Variants in WNT7A observed in about 807,000 individuals in gnomAD.
The protein encoded by WNT7A is Wnt family member 7A.
A neutral mutation model predicts 28.2 loss-of-function variants in WNT7A; 16 were observed. The observed-to-expected ratio is 0.57, with a 90% CI of 0.38 to 0.86. The LOEUF (loss-of-function observed/expected upper bound fraction) is 0.86, where lower values mean the gene tolerates loss of function less well. Among genes scored for constraint, WNT7A ranks in the 40% least tolerant of loss-of-function variants. WNT7A has a pLI of 0.00. For synonymous variants in WNT7A, 190 were observed against 195.9 expected, an observed-to-expected ratio of 0.97 and a Z score of 0.25; for missense variants, 411 against 489.7, an observed-to-expected ratio of 0.84 and a Z score of 1.52.
At position 13,845,504 on chromosome 3, in the gene WNT7A, T is replaced by G. The variant is rs576140596; in HGVS notation, c.570+9028A>C. ...CAGTGCAGCTATAAGCAGTTTAAAT[T>G]CTTTTAATCATGTAATCTTCATAAT... On this transcript the variant is annotated intron_variant, in intron 3 of 3. Coordinates refer to ENST00000285018, the MANE Select transcript of WNT7A (RefSeq NM_004625.4). Among the ~76,000 whole-genome samples the G allele has an allele frequency of 2.6e-5, 4 of 152,358 alleles. No individual in the cohort carries two copies. The South Asian group carries it at 8.3e-4, about 32-fold the overall frequency.
At chr3:13,874,104 A>T (rs1328902484) in intron 2 of WNT7A, among the ~76,000 whole-genome samples, 1 of 152,188 alleles carries the variant, frequency 6.6e-6, no homozygotes, top group Non-Finnish European at 1.5e-5. Context: ...ATGTGACAGC[A>T]GTGTGACCTG....
At chr3:13,856,537 G>T (rs910993453) in intron 2 of WNT7A, among the ~76,000 whole-genome samples, 5 of 152,174 alleles carry the variant, frequency 3.3e-5, no homozygotes, top group African/African-American at 4.8e-5. Flanking sequence ...CTCTGAGGGG[G>T]CCAGGCATGG....
intron 2 of WNT7A, among the ~76,000 whole-genome samples, chr3:13,861,314 G>A (rs1236783622): frequency 6.6e-6 from 1 of 152,206 alleles, no homozygotes; most frequent in African/African-American, 2.4e-5. Context: ...AGCAGAGGAA[G>A]AACCTCCCTC....
intron 3 of WNT7A, among the ~76,000 whole-genome samples, chr3:13,829,608 A>C (rs957965919): frequency 2.0e-5 from 3 of 152,092 alleles, no homozygotes; most frequent in Non-Finnish European, 4.4e-5. Context: ...GTACACTGCT[A>C]TGTGCCTGCA....
chr3:13,853,572 T>G (rs1694676052), intron 3 of WNT7A, among the ~76,000 whole-genome samples: 1 of 152,176 alleles, frequency 6.6e-6, no homozygotes, highest in South Asian at 2.1e-4. Context: ...CGCTCATCTC[T>G]CGAGGCCTGT....
At chr3:13,856,885 A>G (rs1694741350) in intron 2 of WNT7A, among the ~76,000 whole-genome samples, 7 of 70,020 alleles carry the variant, frequency 1.0e-4, no homozygotes, top group African/African-American at 5.6e-4. Context: ...GAAGAGGAAG[A>G]AGAAGAAAAA....
chr3:13,869,434 GAAAGA>G lies in WNT7A; in HGVS notation c.298+5508_298+5512del, dbSNP rs1217329995. ...GGAAAGAAAGAAACAAAGAAAAGAA[GAAAGA>G]AAAGAAAAAGAAAGAAAGACAGAAA... On this transcript the variant is annotated intron_variant, in intron 2 of 3. Transcript: ENST00000285018. Among the ~76,000 whole-genome samples the G allele has an allele frequency of 6.1e-4, 48 of 78,870 alleles. 1 individual carries two copies. The highest frequency in any genetic ancestry group is 2.9e-3 in the East Asian group (2 of 686). The allele number at this position is 78,870 out of a possible 152,430, so 51.7% of individuals were successfully genotyped here.
intron 3 of WNT7A, among the ~76,000 whole-genome samples, chr3:13,841,155 G>A (rs1310430847): frequency 3.3e-5 from 5 of 152,180 alleles, no homozygotes; most frequent in African/African-American, 9.7e-5. Flanking sequence ...CTTTTTAAAG[G>A]CTGGGAAATA....
chr3:13,818,668 G>A lies in WNT7A; in HGVS notation c.*276C>T, dbSNP rs950561011. 3.5e-5 allele frequency: 11 copies of A among 313,666 alleles called. No individual in the cohort carries two copies. Among genetic ancestry groups the A allele is most frequent in the Non-Finnish European group, 5.8e-5 (10 of 172,136 alleles). 19.4% of individuals were successfully genotyped at this position (313,666 alleles called of 1,614,324 possible). A position where few individuals can be genotyped will look rare whatever the true frequency, so the allele number is the denominator to read the frequency against. On this transcript the variant is annotated 3_prime_UTR_variant, in exon 4 of 4. Transcript: ENST00000285018. ...AAATATTGCTGTGATGAGGCCCAGG[G>A]GTCCAGAGTTCCTGCTGCAGAAGGC...
intron 1 of WNT7A, among the ~76,000 whole-genome samples, chr3:13,878,624 T>A (rs1319517311): frequency 6.6e-6 from 1 of 152,036 alleles, no homozygotes; most frequent in Non-Finnish European, 1.5e-5. Context: ...ACTGGGGAAG[T>A]GACGGGGTAG....
In WNT7A at chr3:13,879,797, C is replaced by T; in HGVS notation, c.20G>A (p.Arg7His). MNRKAR[R>H]CLGHLFLSLG... The stretch of plus-strand genomic sequence containing the variant: ...GCTGAGAAAGAGGTGGCCCAGGCAG[C>T]GCCGCGCTTTCCGGTTCATAGTCCC... Residue 7 changes from arginine to histidine, a missense_variant, in exon 1 of 4, where the codon CGC becomes CAC. Coordinates refer to ENST00000285018, the MANE Select transcript of WNT7A (RefSeq NM_004625.4). 2.5e-6 allele frequency: 4 copies of T among 1,612,002 alleles called. No homozygotes were observed. Among genetic ancestry groups the T allele is most frequent in the South Asian group, 1.1e-5 (1 of 90,830 alleles).
At chr3:13,856,649 C>G (rs1658081487) in intron 2 of WNT7A, among the ~76,000 whole-genome samples, 2 of 152,078 alleles carry the variant, frequency 1.3e-5, no homozygotes, top group Non-Finnish European at 2.9e-5. Context: ...GAAACTCTGT[C>G]TTTGCTAAAA....
At chr3:13,841,935 A>C (rs1023259992) in intron 3 of WNT7A, among the ~76,000 whole-genome samples, 3 of 152,168 alleles carry the variant, frequency 2.0e-5, no homozygotes, top group African/African-American at 7.2e-5. Flanking sequence ...AGGAGGTGAG[A>C]GGGTAAGTGT....
In WNT7A at chr3:13,818,740, G is replaced by T; in HGVS notation, c.*204C>A. The T allele has an allele frequency of 2.7e-6, 2 of 746,338 alleles. No individual in the cohort carries two copies. Among genetic ancestry groups the T allele is most frequent in the Non-Finnish European group, 4.0e-6 (2 of 497,476 alleles). 46.2% of individuals were successfully genotyped at this position (746,338 alleles called of 1,614,324 possible). A position where few individuals can be genotyped will look rare whatever the true frequency, so the allele number is the denominator to read the frequency against. Reference sequence around the variant, plus strand: ...CCTGGGCTGTGTCTGGGGGAGGGTGGAGCAGCATTGGGTGTGGAACAGAAT... The same window carrying T: ...CCTGGGCTGTGTCTGGGGGAGGGTGTAGCAGCATTGGGTGTGGAACAGAAT... On this transcript the variant is annotated 3_prime_UTR_variant, in exon 4 of 4. Transcript: ENST00000285018.
intron 3 of WNT7A, among the ~76,000 whole-genome samples, chr3:13,828,254 G>A (rs940603987): frequency 6.6e-6 from 1 of 152,178 alleles, no homozygotes; most frequent in African/African-American, 2.4e-5. Context: ...CCAGAGCTGT[G>A]GACAGGCATC....
chr3:13,873,380 C>T (rs1695054985), intron 2 of WNT7A, among the ~76,000 whole-genome samples: 1 of 151,988 alleles, frequency 6.6e-6, no homozygotes, highest in Admixed American at 6.5e-5. Context: ...CTGGTTTGCA[C>T]CTCTGTCGAT....
chr3:13,835,205 G>A (rs1228431481), intron 3 of WNT7A, among the ~76,000 whole-genome samples: 2 of 152,194 alleles, frequency 1.3e-5, no homozygotes, highest in East Asian at 1.9e-4. Context: ...GATGGTTCTC[G>A]CTGGGGTCAG....
chr3:13,878,316 C>T (rs1695143308), intron 1 of WNT7A, among the ~76,000 whole-genome samples: 1 of 152,204 alleles, frequency 6.6e-6, no homozygotes, highest in South Asian at 2.1e-4. Context: ...AAGCCGCACG[C>T]GGCCCGAGTC....
At chr3:13,850,673 G>A (rs1200838217) in intron 3 of WNT7A, among the ~76,000 whole-genome samples, 3 of 152,038 alleles carry the variant, frequency 2.0e-5, no homozygotes, top group Non-Finnish European at 4.4e-5. Flanking sequence ...GGGTTGCTGA[G>A]AGCCTCCACC....
Sources: gnomAD v4.1 joint callset for allele counts (sites outside exome capture counted in the v4.1 genomes callset) on GRCh38, gnomAD v4.1.1 for gene constraint, MANE v1.5 for transcripts, NCBI Gene and HGNC (gene_info 2026-07-23, HGNC 2026-07-21) for gene names.